PTPN22: variants seen among roughly 807,000 people sequenced by gnomAD.
The protein encoded by PTPN22 is protein tyrosine phosphatase non-receptor type 22.
A neutral mutation model predicts 103.3 loss-of-function variants in PTPN22; 85 were observed. The observed-to-expected ratio is 0.82, with a 90% CI of 0.69 to 0.99. The LOEUF is 0.99. PTPN22 is among the 50% of genes least tolerant of loss of function. The probability of loss-of-function intolerance (pLI) is 0.00; values close to 1 mark genes in which losing one functional copy is unlikely to be tolerated. For missense variants in PTPN22, 865 were observed against 936.9 expected (o/e 0.92, Z 1.00); for synonymous variants, 323 against 310.2 (o/e 1.04, Z -0.43).
intron 1 of PTPN22, among the ~76,000 whole-genome samples, chr1:113,862,044 GC>G (rs1285019075): frequency 6.6e-6 from 1 of 152,028 alleles, no homozygotes; most frequent in East Asian, 1.9e-4. Flanking sequence ...ACTTTGGGAT[GC>G]CGAGGCAGGC....
chr1:113,868,905 T>C (rs1460386949), intron 1 of PTPN22, among the ~76,000 whole-genome samples: 6 of 152,242 alleles, frequency 3.9e-5, no homozygotes, highest in Admixed American at 1.3e-4. Context: ...AAAAAAACTA[T>C]AACAAGTTTT....
chr1:113,845,015 C>G (rs935231086), intron 11 of PTPN22, among the ~76,000 whole-genome samples: 2 of 151,890 alleles, frequency 1.3e-5, no homozygotes, highest in African/African-American at 2.4e-5. Context: ...ACGGGGGTCC[C>G]CCTGTGTTAC....
exon 1 of PTPN22, chr1:113,871,645 T>C: frequency 6.2e-7 from 1 of 1,610,058 alleles, no homozygotes; most frequent in Non-Finnish European, 8.5e-7. Context: ...AGAAAAATAG[T>C]CTATAAGTAG....
intron 5 of PTPN22, 132 bp downstream of exon 5, chr1:113,857,606 T>A (rs1164292085): frequency 2.6e-6 from 2 of 770,186 alleles, no homozygotes; most frequent in Non-Finnish European, 4.2e-6. Flanking sequence ...CACGTGGCAT[T>A]CCCAAACTGA....
At chr1:113,821,153 G>A (rs546942765) in intron 19 of PTPN22, among the ~76,000 whole-genome samples, 2 of 152,188 alleles carry the variant, frequency 1.3e-5, no homozygotes, top group Admixed American at 1.3e-4. Context: ...ATACTGCATA[G>A]GAGCTGAAAG....
chr1:113,844,542 C>A (rs1199723542), intron 11 of PTPN22, among the ~76,000 whole-genome samples: 3 of 152,080 alleles, frequency 2.0e-5, no homozygotes, highest in African/African-American at 7.2e-5. Context: ...ATTTCTTTTT[C>A]TATATTCTTG....
intron 11 of PTPN22, among the ~76,000 whole-genome samples, chr1:113,840,098 C>T (rs1663411599): frequency 6.6e-6 from 1 of 151,688 alleles, no homozygotes; most frequent in Admixed American, 6.6e-5. Context: ...GTAATCCCAC[C>T]TATTCGGGAG....
In PTPN22 at chr1:113,842,287, A is replaced by G. The variant is rs375136018; in HGVS notation, c.916-3667T>C. Among the ~76,000 whole-genome samples the G allele has an allele frequency of 7.2e-5, 11 of 152,300 alleles. No individual in the cohort carries two copies. In the East Asian group the frequency reaches 1.9e-3, roughly 27 times the overall value. On this transcript the variant is annotated intron_variant, in intron 11 of 20. Coordinates refer to ENST00000359785, the Ensembl canonical transcript of PTPN22. ...TCCAAAGAGGATATACAAATGGCCA[A>G]TAAGACCACAGAAAGGTGTCTAATC...
rs902282915 is a variant in PTPN22 at position 113,859,158 on chromosome 1, G to A, written c.197-80C>T. On this transcript the variant is annotated intron_variant, in intron 2 of 20. Coordinates refer to ENST00000359785, the Ensembl canonical transcript of PTPN22. ...AAATCAGGGCCTAACACTGTGAATAGTGTATGCTCATGAGTGAACAAGTGA... is the reference window on the plus strand; with the variant it reads ...AAATCAGGGCCTAACACTGTGAATAATGTATGCTCATGAGTGAACAAGTGA... 5.7e-6 allele frequency: 9 copies of A among 1,582,282 alleles called. No homozygotes were observed. The African/African-American group carries it at 1.1e-4, about 19-fold the overall frequency.
chr1:113,848,877 A>T (rs890813874), intron 10 of PTPN22, among the ~76,000 whole-genome samples: 2 of 152,150 alleles, frequency 1.3e-5, no homozygotes, highest in Non-Finnish European at 2.9e-5. Context: ...CAGGAATCTT[A>T]TGACTTGTTT....
At chr1:113,857,003 TATA>T (rs1176513293) in intron 5 of PTPN22, among the ~76,000 whole-genome samples, 1 of 152,180 alleles carries the variant, frequency 6.6e-6, no homozygotes, top group Non-Finnish European at 1.5e-5. Flanking sequence ...CCAGTAAAAA[TATA>T]ATGTGAACCA....
chr1:113,841,093 G>T (rs573427012), intron 11 of PTPN22, among the ~76,000 whole-genome samples: 4 of 151,982 alleles, frequency 2.6e-5, no homozygotes, highest in African/African-American at 4.8e-5. Context: ...GCATGGTGGC[G>T]CATGCCTGTA....
intron 10 of PTPN22, among the ~76,000 whole-genome samples, chr1:113,851,211 C>T (rs562759215): frequency 2.7e-5 from 4 of 150,430 alleles, no homozygotes; most frequent in South Asian, 2.1e-4. Flanking sequence ...GGAGTGCAGT[C>T]GTGTGATCTC....
intron 1 of PTPN22, among the ~76,000 whole-genome samples, chr1:113,861,263 C>A (rs1665566034): frequency 6.6e-6 from 1 of 151,972 alleles, no homozygotes; most frequent in South Asian, 2.1e-4. Context: ...GTTTTTGAGA[C>A]AAAGTCTTGC....
chr1:113,838,769 A>T (rs1031647229), intron 11 of PTPN22, 149 bp from the exon 12 acceptor site: 5 of 1,282,626 alleles, frequency 3.9e-6, no homozygotes, highest in African/African-American at 3.0e-5. Flanking sequence ...CAAAATATTG[A>T]ACTCAGCAAG....
exon 13 of PTPN22, chr1:113,837,670 T>C (rs536055615): frequency 6.2e-7 from 1 of 1,604,978 alleles, no homozygotes; most frequent in Non-Finnish European, 8.5e-7. Context: ...TGAATTGTAA[T>C]AAGAGAAGAG....
intron 1 of PTPN22, among the ~76,000 whole-genome samples, chr1:113,864,911 CAA>C (rs1386880512): frequency 3.9e-5 from 4 of 101,754 alleles, no homozygotes; most frequent in Admixed American, 2.2e-4. Flanking sequence ...GACTCCGTCT[CAA>C]AAAAAAAAAA....
intron 1 of PTPN22, chr1:113,864,202 G>A: frequency 2.3e-6 from 1 of 443,378 alleles, no homozygotes; most frequent in Non-Finnish European, 4.5e-6. Context: ...ACTTACAATA[G>A]AAGATTTGAT....
At chr1:113,834,465 TTCTTAAGAA>T in intron 14 of PTPN22, 26 bp from the exon 15 acceptor site, 4 of 1,598,980 alleles carry the variant, frequency 2.5e-6, no homozygotes, top group Non-Finnish European at 3.4e-6. Context: ...TATAGTTCGG[TTCTTAAGAA>T]TAGTATTCTT....
Sources: gnomAD v4.1 joint callset for allele counts (sites outside exome capture counted in the v4.1 genomes callset) on GRCh38, gnomAD v4.1.1 for gene constraint, MANE v1.5 for transcripts, NCBI Gene and HGNC (gene_info 2026-07-23, HGNC 2026-07-21) for gene names.